The following SRCIN1 variants were observed in gnomAD, a reference collection of about 807,000 sequenced individuals.
SRCIN1 encodes the protein SRC kinase signaling inhibitor 1.
Under a neutral mutation model 116.2 loss-of-function variants are expected in SRCIN1, and 50 were observed. That is an observed-to-expected ratio of 0.43 (90% CI 0.34 to 0.54). The LOEUF (loss-of-function observed/expected upper bound fraction) is 0.54, where lower values mean the gene tolerates loss of function less well. Among genes scored for constraint, SRCIN1 ranks in the 20% least tolerant of loss-of-function variants. The pLI, the probability that SRCIN1 is intolerant of heterozygous loss-of-function variation, is 0.02. For missense variants in SRCIN1, 1,446 were observed against 1,672.0 expected, an observed-to-expected ratio of 0.86 and a Z score of 2.36; for synonymous variants, 736 against 750.0, an observed-to-expected ratio of 0.98 and a Z score of 0.30.
Position 38,568,322 on chromosome 17 carries a change from G to T in SRCIN1, c.325-91C>A. On this transcript the variant is annotated intron_variant, in intron 2 of 18. Transcript: ENST00000617146. The surrounding 1 kb of genome is among the most constrained non-coding windows in gnomAD (Gnocchi z 4.5). The stretch of plus-strand genomic sequence containing the variant: ...GCAGGTTAGAGACCCTTGGAACTCA[G>T]CACTCAGCCCTAGGACAAGGGCCCT... 1 of 1,339,720 alleles carries T rather than the reference G, an allele frequency of 7.5e-7. No individual in the cohort carries two copies. The highest frequency in any genetic ancestry group is 1.1e-6 in the Non-Finnish European group (1 of 948,474). 83.0% of individuals were successfully genotyped at this position (1,339,720 alleles called of 1,614,324 possible).
intron 18 of SRCIN1, chr17:38,542,326 C>A (rs1175790801): frequency 6.5e-6 from 1 of 153,096 alleles, no homozygotes; most frequent in African/African-American, 2.4e-5. Context: ...GACTTGTGTC[C>A]TGCCCCCCAC....
At chr17:38,587,062 G>T (rs1299120646) in intron 1 of SRCIN1, among the ~76,000 whole-genome samples, 1 of 152,132 alleles carries the variant, frequency 6.6e-6, no homozygotes, top group African/African-American at 2.4e-5. Flanking sequence ...GCCCATCCCA[G>T]GCTGACTGTG....
intron 2 of SRCIN1, among the ~76,000 whole-genome samples, chr17:38,574,259 C>T (rs1376657251): frequency 6.6e-6 from 1 of 152,214 alleles, no homozygotes; most frequent in Non-Finnish European, 1.5e-5. Flanking sequence ...TAGCTGGGAG[C>T]CCAGGCCCCT....
At chr17:38,545,521 G>C (rs972529675) in intron 17 of SRCIN1, 4 of 152,690 alleles carry the variant, frequency 2.6e-5, no homozygotes, top group African/African-American at 9.6e-5. Flanking sequence ...AAGCTAAAAT[G>C]GGTGTTACAG....
intron 1 of SRCIN1, among the ~76,000 whole-genome samples, chr17:38,595,506 G>A (rs1295840887): frequency 2.0e-5 from 3 of 152,284 alleles, no homozygotes; most frequent in Non-Finnish European, 4.4e-5. Context: ...GTGAGCCACC[G>A]CGCCTGGCCT....
At chr17:38,581,677 T>C (rs1439326712) in intron 1 of SRCIN1, among the ~76,000 whole-genome samples, 1 of 152,050 alleles carries the variant, frequency 6.6e-6, no homozygotes, top group Non-Finnish European at 1.5e-5. Flanking sequence ...TGGTAATTCG[T>C]GAAATAGACC....
chr17:38,593,256 C>G (rs1908536675), intron 1 of SRCIN1, among the ~76,000 whole-genome samples: 1 of 152,088 alleles, frequency 6.6e-6, no homozygotes, highest in African/African-American at 2.4e-5. Context: ...AGGCCAGACC[C>G]AAGGTGAGCT....
Position 38,543,841 on chromosome 17 carries a change from C to G in SRCIN1, c.3399G>C (p.Arg1133=). The change falls in exon 18 of 19, where the codon CGG becomes CGC. Residue 1133 remains arginine, a synonymous_variant. Transcript: ENST00000617146. Reference sequence around the variant, plus strand: ...CCCTCACCTGCTGCTGGGCCTGGATCCGCATGTACTCGGCCCTCTGCTTGC... The same window carrying G: ...CCCTCACCTGCTGCTGGGCCTGGATGCGCATGTACTCGGCCCTCTGCTTGC... The part of the protein sequence containing the change: ...KHGKQRAEYM[R]IQAQQQATKP... 6.2e-7 allele frequency: 1 copy of G among 1,607,210 alleles called. No homozygotes were observed. Among genetic ancestry groups the G allele is most frequent in the Non-Finnish European group, 8.5e-7 (1 of 1,179,654 alleles).
At chr17:38,548,438 G>T in intron 17 of SRCIN1, 119 bp downstream of exon 17, 1 of 1,255,220 alleles carries the variant, frequency 8.0e-7, no homozygotes, top group Non-Finnish European at 1.1e-6. Flanking sequence ...AACAGCCAGC[G>T]CTCCGCAGGG....
chr17:38,591,429 T>C (rs529193377), intron 1 of SRCIN1, among the ~76,000 whole-genome samples: 1 of 152,324 alleles, frequency 6.6e-6, no homozygotes, highest in South Asian at 2.1e-4. Flanking sequence ...CCACCCTTTG[T>C]TGGGTAATCC....
At position 38,530,717 on chromosome 17, in the gene SRCIN1, C is replaced by T. The variant is rs1235003858; in HGVS notation, c.*2580G>A. Reference sequence around the variant, plus strand: ...CGTCTCTATCCACATGTACGTGGCCCACACACAAGTCTCTGGCTCTCGGCA... The same window carrying T: ...CGTCTCTATCCACATGTACGTGGCCTACACACAAGTCTCTGGCTCTCGGCA... On this transcript the variant is annotated 3_prime_UTR_variant, in exon 19 of 19. Coordinates refer to ENST00000617146, the MANE Select transcript of SRCIN1 (RefSeq NM_025248.3). 6.6e-6 allele frequency: 1 copy of T among 152,328 alleles called. No individual in the cohort carries two copies. The highest frequency in any genetic ancestry group is 6.5e-5 in the Admixed American group (1 of 15,282). The allele number at this position is 152,328 out of a possible 1,614,324, so 9.4% of individuals were successfully genotyped here. A position where few individuals can be genotyped will look rare whatever the true frequency, so the allele number is the denominator to read the frequency against.
chr17:38,583,156 A>C (rs570814538), intron 1 of SRCIN1, among the ~76,000 whole-genome samples: 1 of 151,948 alleles, frequency 6.6e-6, no homozygotes, highest in Non-Finnish European at 1.5e-5. Context: ...TGCAGCCTCA[A>C]CCTGGGCTCA....
chr17:38,578,789 G>C lies in SRCIN1; in HGVS notation c.25C>G (p.Pro9Ala). The C allele has an allele frequency of 6.7e-7, 1 of 1,491,018 alleles. No individual in the cohort carries two copies. Among genetic ancestry groups the C allele is most frequent in the South Asian group, 1.3e-5 (1 of 77,292 alleles). The allele number at this position is 1,491,018 out of a possible 1,614,324, so 92.4% of individuals were successfully genotyped here. A position where few individuals can be genotyped will look rare whatever the true frequency, so the allele number is the denominator to read the frequency against. ...AGCATGGGGGGGCTGCTCCGCTCCG[G>C]ATCTGCGAGAGGTGAGAGGGGCACG... MGNAPSQD[P>A]ERSSPPMLSA... The change falls in exon 2 of 19, where the codon CCG (proline) becomes GCG (alanine). Residue 9 changes from proline (P) to alanine (A), a missense_variant and splice_region_variant. Transcript: ENST00000617146.
chr17:38,549,300 T>C (rs1002682878), intron 15 of SRCIN1, 90 bp from the exon 16 acceptor site: 39 of 1,309,424 alleles, frequency 3.0e-5, no homozygotes, highest in Non-Finnish European at 3.8e-5. Flanking sequence ...ACCTTGCTTC[T>C]TCCTCCAGGG....
In SRCIN1 at chr17:38,542,292, T is replaced by C. The variant is rs146905346; in HGVS notation, c.3417+1531A>G. 1.1e-3 allele frequency: 167 copies of C among 153,702 alleles called. 1 individual carries two copies. The highest frequency in any genetic ancestry group is 2.1e-3 in the Non-Finnish European group (143 of 68,824). The allele number at this position is 153,702 out of a possible 1,614,324, so 9.5% of individuals were successfully genotyped here. A position where few individuals can be genotyped will look rare whatever the true frequency, so the allele number is the denominator to read the frequency against. ...GGCTGCTGGAGAGGCTGAAGCACTT[T>C]GTGGTGGGGAGGGAGGCAGTCTGGA... On this transcript the variant is annotated intron_variant, in intron 18 of 18. Coordinates refer to ENST00000617146, the MANE Select transcript of SRCIN1 (RefSeq NM_025248.3).
At position 38,534,132 on chromosome 17, in the gene SRCIN1, G is replaced by C. The variant is rs552328800; in HGVS notation, c.3418-701C>G. Among the ~76,000 whole-genome samples the C allele has an allele frequency of 2.6e-5, 4 of 152,184 alleles. No homozygotes were observed. The South Asian group carries it at 8.3e-4, about 31-fold the overall frequency. On this transcript the variant is annotated intron_variant, in intron 18 of 18. Transcript: ENST00000617146. Reference sequence around the variant, plus strand: ...TGACTTGTCCTGCCCTCACTGGTCAGTTCTAGTGGTCAGAACTGACCCCTC... The same window carrying C: ...TGACTTGTCCTGCCCTCACTGGTCACTTCTAGTGGTCAGAACTGACCCCTC...
At chr17:38,569,929 G>A (rs1309825610) in intron 2 of SRCIN1, among the ~76,000 whole-genome samples, 1 of 152,098 alleles carries the variant, frequency 6.6e-6, no homozygotes, top group Non-Finnish European at 1.5e-5. Flanking sequence ...ACACCGGAAG[G>A]TTTATGAGGA....
chr17:38,547,848 G>A (rs745714175), intron 17 of SRCIN1: 10 of 209,756 alleles, frequency 4.8e-5, no homozygotes, highest in African/African-American at 9.6e-5. Context: ...CGGGGCGTGG[G>A]GGGGAGGGAA....
At chr17:38,599,820 A>G (rs1029036271) in intron 1 of SRCIN1, among the ~76,000 whole-genome samples, 1 of 152,200 alleles carries the variant, frequency 6.6e-6, no homozygotes, top group African/African-American at 2.4e-5. Context: ...ATGAGGGAAC[A>G]GCAGCCTGGG....
Sources: allele counts gnomAD v4.1 joint callset (sites outside exome capture counted in the v4.1 genomes callset), GRCh38; gene constraint gnomAD v4.1.1; non-coding constraint Gnocchi (gnomAD v3.1); transcripts MANE v1.5; gene names NCBI Gene and HGNC (gene_info 2026-07-23, HGNC 2026-07-21).